TSHZ2: variants seen among roughly 807,000 people sequenced by gnomAD.
TSHZ2 encodes the protein teashirt zinc finger homeobox 2, also known as teashirt homolog 2.
TSHZ2 carries 21 observed loss-of-function variants against 74.4 expected under a neutral mutation model. The observed-to-expected ratio is 0.28, with a 90% CI of 0.20 to 0.41. The LOEUF (loss-of-function observed/expected upper bound fraction) is 0.41. Ranked by LOEUF, TSHZ2 falls within the 10% of genes least tolerant of loss-of-function variation. The pLI, the probability that TSHZ2 is intolerant of heterozygous loss-of-function variation, is 1.00. For missense variants in TSHZ2, 1,244 were observed against 1,293.5 expected (o/e 0.96, Z 0.59); for synonymous variants, 540 against 515.3 (o/e 1.05, Z -0.65).
chr20:53,067,363 T>C (rs1985024885), intron 1 of TSHZ2, among the ~76,000 whole-genome samples: 1 of 152,226 alleles, frequency 6.6e-6, no homozygotes, highest in East Asian at 1.9e-4. Context: ...AACAACTCAA[T>C]GTGTGAAATG....
chr20:53,043,703 T>A (rs1984126180), intron 1 of TSHZ2, among the ~76,000 whole-genome samples: 1 of 152,060 alleles, frequency 6.6e-6, no homozygotes, highest in Non-Finnish European at 1.5e-5. Flanking sequence ...ATTTCTTCAT[T>A]CGAATATAGG....
Position 53,255,797 on chromosome 20 carries a change from C to T in TSHZ2, c.2339C>T (p.Ala780Val). ...SKSKKAESSQ[A>V]QSCMSPPQKH... ...AGCAAGAAAGCCGAGTCCTCGCAAG[C>T]ACAATCTTGTATGTCCCCACCTCAG... The change falls in exon 2 of 3, where the codon GCA (alanine) becomes GTA (valine). Residue 780 changes from alanine (A) to valine (V), a missense_variant. Physicochemically the swap from Ala to Val is moderately conservative, Grantham distance 64 (BLOSUM62 0). Transcript: ENST00000371497. The surrounding 1 kb of genome is among the most constrained non-coding windows in gnomAD (Gnocchi z 4.1). 3.7e-6 allele frequency: 6 copies of T among 1,613,966 alleles called. No individual in the cohort carries two copies. Among genetic ancestry groups the T allele is most frequent in the Non-Finnish European group, 5.1e-6 (6 of 1,179,960 alleles).
chr20:53,240,390 C>T (rs1396027520), intron 1 of TSHZ2, among the ~76,000 whole-genome samples: 2 of 152,132 alleles, frequency 1.3e-5, no homozygotes, highest in African/African-American at 4.8e-5. Context: ...CCCTAGAACA[C>T]TAGTGATCTC....
In TSHZ2 at chr20:53,204,338, C is replaced by A. The variant is rs868629368; in HGVS notation, c.41-49161C>A. 2.1e-4 allele frequency among the ~76,000 whole-genome samples: 27 copies of A among 130,988 alleles called. 1 individual carries two copies. Among genetic ancestry groups the A allele is most frequent in the African/African-American group, 8.1e-4 (26 of 31,992 alleles). The allele number at this position is 130,988 out of a possible 152,430, so 85.9% of individuals were successfully genotyped here. A position where few individuals can be genotyped will look rare whatever the true frequency, so the allele number is the denominator to read the frequency against. On this transcript the variant is annotated intron_variant, in intron 1 of 2. Transcript: ENST00000371497. ...ACATGATGATATGATACTATATCAT[C>A]ATATAACATGATGATATGATACTAT...
chr20:52,987,920 T>C (rs1981832562), intron 1 of TSHZ2, among the ~76,000 whole-genome samples: 1 of 152,200 alleles, frequency 6.6e-6, no homozygotes, highest in Non-Finnish European at 1.5e-5. Flanking sequence ...CTCTATAGAA[T>C]GAGGGCAGAA....
At chr20:53,287,027 C>T (rs189989109) in intron 2 of TSHZ2, among the ~76,000 whole-genome samples, 80 of 151,998 alleles carry the variant, frequency 5.3e-4, no homozygotes, top group East Asian at 1.4e-3. Context: ...GGAAGTGAAG[C>T]GAATGCACAA....
intron 2 of TSHZ2, among the ~76,000 whole-genome samples, chr20:53,344,217 A>G (rs7265823): frequency 1.4e-5 from 2 of 138,012 alleles, no homozygotes; most frequent in African/African-American, 6.1e-5. Context: ...CCTCCTCATC[A>G]TCATCATCAT....
At chr20:53,046,490 T>C (rs1400168866) in intron 1 of TSHZ2, among the ~76,000 whole-genome samples, 2 of 152,154 alleles carry the variant, frequency 1.3e-5, no homozygotes, top group Admixed American at 1.3e-4. Flanking sequence ...ATTATCACCC[T>C]AAGCTAAAAT....
At chr20:53,282,597 G>A (rs965861700) in intron 2 of TSHZ2, among the ~76,000 whole-genome samples, 2 of 152,180 alleles carry the variant, frequency 1.3e-5, no homozygotes, top group African/African-American at 2.4e-5. Context: ...CATATTCACC[G>A]AATGGACCTC....
intron 1 of TSHZ2, among the ~76,000 whole-genome samples, chr20:53,205,988 A>G (rs970256375): frequency 1.3e-5 from 2 of 152,224 alleles, no homozygotes; most frequent in African/African-American, 4.8e-5. Flanking sequence ...TGAGAGGCCA[A>G]GGCGGGTGGA....
At chr20:53,398,176 C>T (rs183792285) in intron 2 of TSHZ2, 2 of 152,096 alleles carry the variant, frequency 1.3e-5, no homozygotes, top group African/African-American at 4.8e-5. Flanking sequence ...GCAACCACCT[C>T]AGCACATCCA....
intron 1 of TSHZ2, among the ~76,000 whole-genome samples, chr20:53,144,923 A>G (rs971961548): frequency 6.6e-6 from 1 of 152,084 alleles, no homozygotes. Flanking sequence ...CTCTTCAAAG[A>G]ATTGAGTCCA....
intron 2 of TSHZ2, among the ~76,000 whole-genome samples, chr20:53,282,439 A>G (rs1252656699): frequency 6.6e-6 from 1 of 152,192 alleles, no homozygotes; most frequent in Non-Finnish European, 1.5e-5. Context: ...GCATTGTGTC[A>G]AGAGCTTTTC....
At position 53,491,561 on chromosome 20, in the gene TSHZ2, T is replaced by G. The variant is rs1242881745; in HGVS notation, c.*4426T>G. 1 of 152,230 alleles carries G rather than the reference T, an allele frequency of 6.6e-6. No individual in the cohort carries two copies. Among genetic ancestry groups the G allele is most frequent in the South Asian group, 2.1e-4 (1 of 4,834 alleles). 9.4% of individuals were successfully genotyped at this position (152,230 alleles called of 1,614,324 possible). On this transcript the variant is annotated 3_prime_UTR_variant, in exon 3 of 3. Coordinates refer to ENST00000371497, the MANE Select transcript of TSHZ2 (RefSeq NM_173485.6). ...TCTCCTTTGGTTCCCAGTGACAGATTCAGAGGCATACGCAGATATACAATT... is the reference window on the plus strand; with the variant it reads ...TCTCCTTTGGTTCCCAGTGACAGATGCAGAGGCATACGCAGATATACAATT...
At chr20:53,215,059 GTCC>G (rs1385041305) in intron 1 of TSHZ2, among the ~76,000 whole-genome samples, 1 of 152,190 alleles carries the variant, frequency 6.6e-6, no homozygotes, top group African/African-American at 2.4e-5. Context: ...ATAGGCTAAT[GTCC>G]TCCTGCAGAA....
intron 1 of TSHZ2, among the ~76,000 whole-genome samples, chr20:53,086,174 C>T (rs1409174938): frequency 6.6e-6 from 1 of 152,144 alleles, no homozygotes; most frequent in South Asian, 2.1e-4. Flanking sequence ...GGAAACTAAG[C>T]AATAACAACT....
intron 1 of TSHZ2, among the ~76,000 whole-genome samples, chr20:53,186,193 T>C (rs1457753030): frequency 6.6e-6 from 1 of 152,224 alleles, no homozygotes; most frequent in Non-Finnish European, 1.5e-5. Flanking sequence ...CATCTCTCTT[T>C]CCATCTCCTT....
intron 1 of TSHZ2, among the ~76,000 whole-genome samples, chr20:53,182,557 A>G (rs1457167074): frequency 2.6e-5 from 4 of 152,232 alleles, no homozygotes; most frequent in African/African-American, 9.6e-5. Context: ...TAATGGTATT[A>G]AGTCAAGTAA....
At chr20:53,464,081 C>T (rs897239257) in intron 2 of TSHZ2, among the ~76,000 whole-genome samples, 1 of 152,152 alleles carries the variant, frequency 6.6e-6, no homozygotes, top group Non-Finnish European at 1.5e-5. Context: ...ATGATTCTAT[C>T]AAGGTAGAGC....
Sources: gnomAD v4.1 joint callset for allele counts (sites outside exome capture counted in the v4.1 genomes callset) on GRCh38, gnomAD v4.1.1 for gene constraint, Gnocchi (gnomAD v3.1) non-coding constraint, MANE v1.5 for transcripts, NCBI Gene and HGNC (gene_info 2026-07-23, HGNC 2026-07-21) for gene names.